Variants in PLCL1 observed in about 807,000 individuals in gnomAD.
PLCL1 encodes the protein phospholipase C like 1 (inactive).
PLCL1 carries 41 observed loss-of-function variants against 84.4 expected under a neutral mutation model. The observed-to-expected ratio is 0.49, with a 90% CI of 0.38 to 0.63. PLCL1 has a LOEUF of 0.63. Among genes scored for constraint, PLCL1 ranks in the 30% least tolerant of loss-of-function variants. The probability of loss-of-function intolerance (pLI) is 0.00; values close to 1 mark genes in which losing one functional copy is unlikely to be tolerated. For synonymous variants in PLCL1, 490 were observed against 488.3 expected (o/e 1.00, Z -0.05); for missense variants, 1,206 against 1,367.8 (o/e 0.88, Z 1.87).
intron 1 of PLCL1, among the ~76,000 whole-genome samples, chr2:198,082,717 T>A (rs191779669): frequency 1.3e-5 from 2 of 152,118 alleles, no homozygotes; most frequent in African/African-American, 4.8e-5. Context: ...ATAGACACAG[T>A]GAACGGTCCA....
rs562742107 is a variant in PLCL1 at position 198,038,990 on chromosome 2, G to A, written c.241-44768G>A. Among the ~76,000 whole-genome samples the A allele has an allele frequency of 7.9e-5, 12 of 152,084 alleles. No homozygotes were observed. The East Asian group carries it at 1.5e-3, about 20-fold the overall frequency. On this transcript the variant is annotated intron_variant, in intron 1 of 5. Coordinates refer to ENST00000428675, the MANE Select transcript of PLCL1 (RefSeq NM_006226.4). ...GAATATGAAAAGGTATTTCCACCCC[G>A]TGCAATATTGCTTTTTTGAAATACT...
chr2:198,046,425 G>A (rs957800408), intron 1 of PLCL1, among the ~76,000 whole-genome samples: 2 of 152,194 alleles, frequency 1.3e-5, no homozygotes, highest in African/African-American at 2.4e-5. Context: ...AGCTCCCAGC[G>A]TGAGCGACGC....
chr2:197,922,012 TTTTTTA>T (rs1157006025), intron 1 of PLCL1, among the ~76,000 whole-genome samples: 2 of 148,080 alleles, frequency 1.4e-5, no homozygotes, highest in African/African-American at 2.5e-5. Flanking sequence ...TTTTTTTTTT[TTTTTTA>T]AATTTATTTT....
At position 198,071,370 on chromosome 2, in the gene PLCL1, A is replaced by G. The variant is rs923670383; in HGVS notation, c.241-12388A>G. Among the ~76,000 whole-genome samples, 3 of 151,978 alleles carry G rather than the reference A, an allele frequency of 2.0e-5. No individual in the cohort carries two copies. The South Asian group carries it at 6.2e-4, about 31-fold the overall frequency. On this transcript the variant is annotated intron_variant, in intron 1 of 5. Transcript: ENST00000428675. Reference sequence around the variant, plus strand: ...AGATTTCTTTAAATTCCTAAAAATTAAATTGCTGGATCAAAGTAGATGCAT... The same window carrying G: ...AGATTTCTTTAAATTCCTAAAAATTGAATTGCTGGATCAAAGTAGATGCAT...
intron 1 of PLCL1, among the ~76,000 whole-genome samples, chr2:197,912,940 T>A (rs1688515774): frequency 7.6e-6 from 1 of 131,354 alleles, no homozygotes. Flanking sequence ...ACCCTAAAAC[T>A]TACAGTATAA....
intron 1 of PLCL1, among the ~76,000 whole-genome samples, chr2:198,065,462 C>T (rs550074813): frequency 1.4e-4 from 21 of 152,212 alleles, no homozygotes; most frequent in African/African-American, 5.1e-4. Context: ...TTTCCATATC[C>T]TTCAGAATCA....
At chr2:198,133,292 C>A (rs1038144330) in intron 5 of PLCL1, among the ~76,000 whole-genome samples, 1 of 147,482 alleles carries the variant, frequency 6.8e-6, no homozygotes, top group Non-Finnish European at 1.5e-5. Context: ...AACCAAACAC[C>A]GCATATTCTC....
chr2:197,916,970 T>C (rs1324225110), intron 1 of PLCL1, among the ~76,000 whole-genome samples: 3 of 152,180 alleles, frequency 2.0e-5, no homozygotes, highest in Non-Finnish European at 1.5e-5. Flanking sequence ...ACTGTACACC[T>C]ATTAGAATGG....
chr2:198,053,132 T>C (rs888750626), intron 1 of PLCL1, among the ~76,000 whole-genome samples: 4 of 152,230 alleles, frequency 2.6e-5, no homozygotes, highest in Admixed American at 1.3e-4. Context: ...CTTGAGGCCA[T>C]ATTTCATTAT....
At chr2:197,918,088 A>T (rs1688630105) in intron 1 of PLCL1, among the ~76,000 whole-genome samples, 1 of 152,242 alleles carries the variant, frequency 6.6e-6, no homozygotes, top group African/African-American at 2.4e-5. Context: ...GTGAGAAATC[A>T]TTTGATAGTA....
chr2:198,142,931 T>C (rs1006767453), intron 5 of PLCL1, among the ~76,000 whole-genome samples: 11 of 152,206 alleles, frequency 7.2e-5, no homozygotes, highest in African/African-American at 2.6e-4. Flanking sequence ...ACTTGTACAT[T>C]AATTCTGCAT....
chr2:198,004,733 C>A (rs891915542), intron 1 of PLCL1, among the ~76,000 whole-genome samples: 3 of 151,994 alleles, frequency 2.0e-5, no homozygotes, highest in African/African-American at 7.2e-5. Context: ...CATTGAAAAC[C>A]TAAGTATCTA....
intron 1 of PLCL1, among the ~76,000 whole-genome samples, chr2:198,032,420 A>G (rs1051399145): frequency 8.5e-5 from 13 of 152,246 alleles, no homozygotes; most frequent in Non-Finnish European, 1.6e-4. Flanking sequence ...CCTCAGAAAG[A>G]TAAAATAAGA....
chr2:197,902,512 A>G (rs1236002138), intron 1 of PLCL1, among the ~76,000 whole-genome samples: 1 of 152,216 alleles, frequency 6.6e-6, no homozygotes, highest in Admixed American at 6.5e-5. Context: ...ACAGCTATAC[A>G]GGAAAAAGTT....
intron 1 of PLCL1, among the ~76,000 whole-genome samples, chr2:197,821,723 C>T (rs1352176094): frequency 6.6e-6 from 1 of 152,100 alleles, no homozygotes; most frequent in Non-Finnish European, 1.5e-5. Flanking sequence ...GGTCATATGG[C>T]CATACCCAGC....
At position 197,821,490 on chromosome 2, in the gene PLCL1, C is replaced by T. The variant is rs531789474; in HGVS notation, c.240+16151C>T. 2.6e-5 allele frequency among the ~76,000 whole-genome samples: 4 copies of T among 152,268 alleles called. No individual in the cohort carries two copies. In the South Asian group the frequency reaches 6.2e-4, roughly 24 times the overall value. On this transcript the variant is annotated intron_variant, in intron 1 of 5. Transcript: ENST00000428675. ...ACAAATCAGGTAGGTGTCTCTGCTC[C>T]GTAAAGTAATTCAGGGATCCAGATT...
At chr2:198,070,729 C>T (rs181041877) in intron 1 of PLCL1, among the ~76,000 whole-genome samples, 18 of 151,762 alleles carry the variant, frequency 1.2e-4, no homozygotes, top group African/African-American at 4.3e-4. Flanking sequence ...CTCCTGGGCT[C>T]TTTGAAATTT....
intron 1 of PLCL1, chr2:197,810,371 G>A: frequency 1.4e-6 from 1 of 699,016 alleles, no homozygotes; most frequent in Non-Finnish European, 2.2e-6. Context: ...AGTGTCTGTT[G>A]ATTAGTGTTT....
At position 198,001,136 on chromosome 2, in the gene PLCL1, T is replaced by C. The variant is rs185805744; in HGVS notation, c.241-82622T>C. On this transcript the variant is annotated intron_variant, in intron 1 of 5. Transcript: ENST00000428675. ...GTAAAATGAGGTAACCTACATAGAA[T>C]ACCTGGTTTATGCATTCCTATTGTA... is the stretch of plus-strand genomic sequence containing the variant. Among the ~76,000 whole-genome samples, 298 of 152,266 alleles carry C rather than the reference T, an allele frequency of 2.0e-3. 2 individuals carry two copies. The highest frequency in any genetic ancestry group is 6.8e-3 in the Middle Eastern group (2 of 294).
Sources: gnomAD v4.1 joint callset for allele counts (sites outside exome capture counted in the v4.1 genomes callset) on GRCh38, gnomAD v4.1.1 for gene constraint, MANE v1.5 for transcripts, NCBI Gene and HGNC (gene_info 2026-07-23, HGNC 2026-07-21) for gene names.